Variants in CCDC110 observed in about 807,000 individuals in gnomAD.
CCDC110 encodes coiled-coil domain containing 110, also known as coiled-coil domain-containing protein 110.
A neutral mutation model predicts 77.1 loss-of-function variants in CCDC110; 70 were observed. The observed-to-expected ratio is 0.91, with a 90% CI of 0.75 to 1.11. The LOEUF is 1.11. Ranked by LOEUF, CCDC110 falls within the 50% of genes least tolerant of loss-of-function variation. The pLI is 0.00. For missense variants in CCDC110, 868 were observed against 942.9 expected (o/e 0.92, Z 1.04); for synonymous variants, 295 against 312.5 (o/e 0.94, Z 0.59).
chr4:185,465,255 C>A (rs2095653438), intron 2 of CCDC110, among the ~76,000 whole-genome samples: 1 of 152,152 alleles, frequency 6.6e-6, no homozygotes, highest in Admixed American at 6.6e-5. Flanking sequence ...TTTTTCTGTA[C>A]AGATTTCCTT....
At chr4:185,471,583 G>A (rs2095668065) in intron 1 of CCDC110, 91 bp downstream of exon 1, 1 of 1,425,290 alleles carries the variant, frequency 7.0e-7, no homozygotes, top group Non-Finnish European at 9.5e-7. Context: ...GATGTCCCGG[G>A]TTTTCGAGCG....
chr4:185,445,449 C>A lies in CCDC110; in HGVS notation c.*53G>T. 1 of 1,251,018 alleles carries A rather than the reference C, an allele frequency of 8.0e-7. No homozygotes were observed. Among genetic ancestry groups the A allele is most frequent in the Non-Finnish European group, 1.2e-6 (1 of 864,674 alleles). 77.5% of individuals were successfully genotyped at this position (1,251,018 alleles called of 1,614,324 possible). On this transcript the variant is annotated 3_prime_UTR_variant, in exon 7 of 7. Transcript: ENST00000307588. ...GATATGCATAGTTCAGTTAGCAGTA[C>A]AATTAACATTGGCTATTTCTCGAAG...
intron 6 of CCDC110, among the ~76,000 whole-genome samples, chr4:185,448,241 G>A (rs1476541912): frequency 2.6e-5 from 4 of 152,036 alleles, no homozygotes; most frequent in Middle Eastern, 3.2e-3. Context: ...GGCTGGTCTC[G>A]AACTCCTGAC....
rs778112538 is a variant in CCDC110 at position 185,461,154 on chromosome 4, C to T, written c.243G>A (p.Gln81=). The T allele has an allele frequency of 6.6e-7, 1 of 1,511,668 alleles. No individual in the cohort carries two copies. The highest frequency in any genetic ancestry group is 9.1e-7 in the Non-Finnish European group (1 of 1,103,346). 93.6% of individuals were successfully genotyped at this position (1,511,668 alleles called of 1,614,324 possible). A position where few individuals can be genotyped will look rare whatever the true frequency, so the allele number is the denominator to read the frequency against. Residue 81 remains glutamine, a synonymous_variant, in exon 5 of 7, where the codon CAG becomes CAA. Coordinates refer to ENST00000307588, the MANE Select transcript of CCDC110 (RefSeq NM_152775.4). ...TGTTCAATATTTCACTGATTTCCGA[C>T]TGTACCTTTAAAAGATAAATTGAGA... is the stretch of plus-strand genomic sequence containing the variant. The part of the protein sequence containing the change: ...MQTLQNVSMV[Q]SEISEILNKS...
chr4:185,458,235 G>T lies in CCDC110; in HGVS notation c.2352C>A (p.Asp784Glu), dbSNP rs1264464413. The part of the protein sequence containing the change: ...LSDKICNQHN[D>E]PSKTTYISRR... ...TTGAAATGTAAGTTGTTTTTGAAGG[G>T]TCATTATGCTGATTACAAATTTTAT... Residue 784 changes from aspartate (D) to glutamate (E), a missense_variant, in exon 6 of 7, where the codon GAC becomes GAA. Physicochemically the swap from Asp to Glu is conservative, Grantham distance 45. Coordinates refer to ENST00000307588, the MANE Select transcript of CCDC110 (RefSeq NM_152775.4). 1.2e-6 allele frequency: 2 copies of T among 1,602,986 alleles called. No individual in the cohort carries two copies. The highest frequency in any genetic ancestry group is 1.8e-5 in the Admixed American group (1 of 56,772).
intron 4 of CCDC110, among the ~76,000 whole-genome samples, chr4:185,461,485 T>C (rs1224422271): frequency 6.6e-6 from 1 of 152,244 alleles, no homozygotes; most frequent in Non-Finnish European, 1.5e-5. Context: ...GGAGGAGTTA[T>C]CTTCCCTTCC....
In CCDC110 at chr4:185,470,980, G is replaced by T. The variant is rs1303325032; in HGVS notation, c.80C>A (p.Ser27Ter). 2 of 1,610,156 alleles carry T rather than the reference G, an allele frequency of 1.2e-6. No individual in the cohort carries two copies. Among genetic ancestry groups the T allele is most frequent in the Admixed American group, 3.4e-5 (2 of 59,596 alleles). The change falls in exon 2 of 7, where the codon TCG becomes TAG. Residue 27 changes from serine (S) to a stop codon, truncating the protein, a stop_gained. Coordinates refer to ENST00000307588, the MANE Select transcript of CCDC110 (RefSeq NM_152775.4). LOFTEE classifies it high-confidence loss of function. ...LLSASKILNS[S>*]EGVKESGCSD... Reference sequence around the variant, plus strand: ...GCAGCCACTTTCCTTCACCCCCTCCGAAGAATTTAGGATCTTGGACGCTGA... The same window carrying T: ...GCAGCCACTTTCCTTCACCCCCTCCTAAGAATTTAGGATCTTGGACGCTGA...
Position 185,458,740 on chromosome 4 carries a change from A to T in CCDC110, c.1847T>A (p.Leu616Gln). The T allele has an allele frequency of 6.2e-7, 1 of 1,608,224 alleles. No homozygotes were observed. The highest frequency in any genetic ancestry group is 8.5e-7 in the Non-Finnish European group (1 of 1,178,738). The change falls in exon 6 of 7, where the codon CTA becomes CAA. Residue 616 changes from leucine to glutamine, a missense_variant. Transcript: ENST00000307588. ...TTTTGCCAATCTTTCTTTCTCTTTT[A>T]GCTGGATTATCTCTAGCTGGCTTTC... is the stretch of plus-strand genomic sequence containing the variant. ...LKESQLEIIQ[L>Q]KEKERLAKTE...
At chr4:185,457,326 C>T in intron 6 of CCDC110, 1 of 456,054 alleles carries the variant, frequency 2.2e-6, no homozygotes, top group Non-Finnish European at 4.4e-6. Context: ...TGTATTGTTT[C>T]CACCTACAGG....
At chr4:185,447,244 C>G (rs900750432) in intron 6 of CCDC110, among the ~76,000 whole-genome samples, 4 of 151,754 alleles carry the variant, frequency 2.6e-5, no homozygotes, top group South Asian at 2.1e-4. Context: ...TGCAGTGGCA[C>G]GATCTCGGCT....
chr4:185,445,847 T>C (rs2095609165), intron 6 of CCDC110, among the ~76,000 whole-genome samples: 1 of 152,164 alleles, frequency 6.6e-6, no homozygotes, highest in African/African-American at 2.4e-5. Context: ...TGTATTTCTT[T>C]TTTATTTTTT....
chr4:185,457,653 T>C, intron 6 of CCDC110: 4 of 670,856 alleles, frequency 6.0e-6, no homozygotes, highest in Non-Finnish European at 9.0e-6. Flanking sequence ...CAATTTCTAA[T>C]TTTAAAAACT....
intron 2 of CCDC110, among the ~76,000 whole-genome samples, chr4:185,467,926 A>G (rs2095659165): frequency 6.6e-6 from 1 of 152,108 alleles, no homozygotes; most frequent in African/African-American, 2.4e-5. Flanking sequence ...GTGCCAGCAC[A>G]CCCGGCTAAT....
chr4:185,449,829 C>T (rs1285614874), intron 6 of CCDC110: 5 of 429,752 alleles, frequency 1.2e-5, no homozygotes, highest in Non-Finnish European at 2.1e-5. Context: ...GCTAATAACA[C>T]GTGGTTGTTG....
chr4:185,466,837 A>G (rs1203495986), intron 2 of CCDC110, among the ~76,000 whole-genome samples: 1 of 152,152 alleles, frequency 6.6e-6, no homozygotes, highest in African/African-American at 2.4e-5. Flanking sequence ...AATTCCGGAC[A>G]ATGAGGGAGG....
At chr4:185,470,632 C>A (rs1047184520) in intron 2 of CCDC110, 10 of 504,170 alleles carry the variant, frequency 2.0e-5, no homozygotes, top group African/African-American at 1.9e-4. Flanking sequence ...ACAGGCAGTC[C>A]GGAGCCGCCC....
chr4:185,453,991 T>C (rs2095632776), intron 6 of CCDC110, among the ~76,000 whole-genome samples: 1 of 152,050 alleles, frequency 6.6e-6, no homozygotes, highest in African/African-American at 2.4e-5. Flanking sequence ...ATTAATTTTG[T>C]ATTTTTAGTA....
rs773892604 is a variant in CCDC110 at position 185,471,658 on chromosome 4, C to T, written c.10+16G>A. The T allele has an allele frequency of 6.4e-7, 1 of 1,564,850 alleles. No individual in the cohort carries two copies. Among genetic ancestry groups the T allele is most frequent in the Non-Finnish European group, 8.6e-7 (1 of 1,159,614 alleles). On this transcript the variant is annotated intron_variant, in intron 1 of 6. Coordinates refer to ENST00000307588, the MANE Select transcript of CCDC110 (RefSeq NM_152775.4). ...CCCGCGGCTCCCCTAGGAGCCCCGC[C>T]CCGTCCAACTCTTACCCGGGCTCAT...
At chr4:185,451,160 A>C (rs1374098996) in intron 6 of CCDC110, among the ~76,000 whole-genome samples, 2 of 152,098 alleles carry the variant, frequency 1.3e-5, no homozygotes, top group East Asian at 3.9e-4. Context: ...TGTGCCTTTC[A>C]CCTTCCATGA....
Sources: gnomAD v4.1 joint callset for allele counts (sites outside exome capture counted in the v4.1 genomes callset) on GRCh38, gnomAD v4.1.1 for gene constraint, MANE v1.5 for transcripts, NCBI Gene and HGNC (gene_info 2026-07-23, HGNC 2026-07-21) for gene names.